The following BTD variants were observed in gnomAD, a reference collection of about 807,000 sequenced individuals.
BTD encodes the protein biocytinase.
Under a neutral mutation model 17.7 loss-of-function variants are expected in BTD, and 13 were observed. That is an observed-to-expected ratio of 0.74 (90% confidence interval 0.48 to 1.17). BTD has a LOEUF of 1.17. BTD is among the 50% of genes most tolerant of loss of function. BTD has a pLI of 0.00. For missense variants in BTD, 674 were observed against 650.4 expected (o/e 1.04, Z -0.39); for synonymous variants, 240 against 245.2 (o/e 0.98, Z 0.20).
At chr3:15,659,380 C>G (rs1029412794) in intron 3 of BTD, among the ~76,000 whole-genome samples, 1 of 152,148 alleles carries the variant, frequency 6.6e-6, no homozygotes. Context: ...TTCAAAGACT[C>G]CCAAGTGCTT....
chr3:15,706,174 T>C (rs946556199), intron 3 of BTD, among the ~76,000 whole-genome samples: 1 of 152,098 alleles, frequency 6.6e-6, no homozygotes, highest in Non-Finnish European at 1.5e-5. Context: ...ATGTGCCACG[T>C]TGGTGTGCTG....
At chr3:15,602,336 G>T in intron 1 of BTD, 1 of 1,048,376 alleles carries the variant, frequency 9.5e-7, no homozygotes. Flanking sequence ...GTTTTCTCCA[G>T]CCCTTGCTAC....
At chr3:15,690,257 TA>T in intron 3 of BTD, 1 of 1,469,080 alleles carries the variant, frequency 6.8e-7, no homozygotes, top group Non-Finnish European at 9.2e-7. Flanking sequence ...AAAACATACA[TA>T]TTTAGACTGA....
intron 3 of BTD, among the ~76,000 whole-genome samples, chr3:15,703,286 C>G (rs917168539): frequency 6.6e-6 from 1 of 152,162 alleles, no homozygotes; most frequent in Non-Finnish European, 1.5e-5. Context: ...CAAAAATAAA[C>G]TGCCATTAGA....
At chr3:15,706,679 T>C (rs2071479188) in intron 3 of BTD, among the ~76,000 whole-genome samples, 1 of 152,222 alleles carries the variant, frequency 6.6e-6, no homozygotes, top group Non-Finnish European at 1.5e-5. Flanking sequence ...TCTTCCACAA[T>C]GGTTGAACTA....
downstream of BTD, among the ~76,000 whole-genome samples, chr3:15,655,582 A>G (rs1450676799): frequency 6.6e-6 from 1 of 152,214 alleles, no homozygotes; most frequent in Non-Finnish European, 1.5e-5. Flanking sequence ...CCCAGAGACC[A>G]GGCCTGGCTT....
In BTD at chr3:15,648,181, C is replaced by T. The variant is rs1026467099; in HGVS notation, c.*2693C>T. ...CAGAGAGGACCGATGGTGAGTCGGCCGCTCTTGATTCTCAATGAAACTCAG... is the reference window on the plus strand; with the variant it reads ...CAGAGAGGACCGATGGTGAGTCGGCTGCTCTTGATTCTCAATGAAACTCAG... On this transcript the variant is annotated 3_prime_UTR_variant, in exon 4 of 4. Transcript: ENST00000643237. 7.2e-5 allele frequency among the ~76,000 whole-genome samples: 11 copies of T among 152,302 alleles called. No homozygotes were observed. Among genetic ancestry groups the T allele is most frequent in the South Asian group, 4.1e-4 (2 of 4,820 alleles).
At chr3:15,621,163 A>C (rs1212011441) in intron 1 of BTD, among the ~76,000 whole-genome samples, 4 of 152,198 alleles carry the variant, frequency 2.6e-5, no homozygotes, top group African/African-American at 9.7e-5. Flanking sequence ...GCTCATCTTT[A>C]CCTAGTGCAC....
chr3:15,606,684 C>A (rs1313195245), intron 1 of BTD: 1 of 152,310 alleles, frequency 6.6e-6, no homozygotes, highest in African/African-American at 2.4e-5. Flanking sequence ...TTTAAACTTG[C>A]TTTCACCTTT....
chr3:15,670,209 CT>C, intron 3 of BTD: 4 of 1,552,560 alleles, frequency 2.6e-6, no homozygotes, highest in Non-Finnish European at 3.5e-6. Flanking sequence ...ATCAAAGTGC[CT>C]TTTTCCTGAA....
intron 3 of BTD, chr3:15,670,212 T>C: frequency 5.1e-6 from 8 of 1,560,760 alleles, no homozygotes; most frequent in Non-Finnish European, 7.0e-6. Context: ...AAAGTGCCTT[T>C]TTCCTGAAAA....
intron 3 of BTD, among the ~76,000 whole-genome samples, chr3:15,693,783 TGCTTTCTTA>T (rs1428570582): frequency 1.3e-5 from 2 of 152,152 alleles, no homozygotes; most frequent in African/African-American, 2.4e-5. Flanking sequence ...GCTTCAAGAA[TGCTTTCTTA>T]GTTATTTAGA....
rs1292244265 is a variant in BTD, at chr3:15,651,298, G to T, written c.*5810G>T. ...GAGCAGAAATTTCACTGTGATGCCA[G>T]TCAGGTATTGCTGCCGTAAGGGCCA... On this transcript the variant is annotated 3_prime_UTR_variant, in exon 4 of 4. Coordinates refer to ENST00000643237, the MANE Select transcript of BTD (RefSeq NM_001370658.1). 1.3e-5 allele frequency among the ~76,000 whole-genome samples: 2 copies of T among 152,368 alleles called. No homozygotes were observed. The highest frequency in any genetic ancestry group is 3.9e-4 in the East Asian group (2 of 5,184).
chr3:15,644,840 C>T lies in BTD; in HGVS notation c.924C>T (p.Pro308=). 1 of 1,614,172 alleles carries T rather than the reference C, an allele frequency of 6.2e-7. No homozygotes were observed. Among genetic ancestry groups the T allele is most frequent in the Non-Finnish European group, 8.5e-7 (1 of 1,180,038 alleles). ...TTTGGTACCATGACATGGAAAATCC[C>T]AAAAGTCACCTTATAATTGCCCAGG... ...ESFWYHDMEN[P]KSHLIIAQVA... is the part of the protein sequence containing the mutation. The change falls in exon 4 of 4, where the codon CCC becomes CCT. Residue 308 remains proline (P), a synonymous_variant. Transcript: ENST00000643237.
chr3:15,680,714 G>T (rs1008653775), intron 3 of BTD, among the ~76,000 whole-genome samples: 2 of 152,020 alleles, frequency 1.3e-5, no homozygotes, highest in African/African-American at 4.8e-5. Context: ...TGCCCAAGTT[G>T]AAGTGCAGTG....
chr3:15,701,129 G>C (rs1490017500), intron 3 of BTD, among the ~76,000 whole-genome samples: 1 of 152,124 alleles, frequency 6.6e-6, no homozygotes, highest in African/African-American at 2.4e-5. Flanking sequence ...CAATGTAACT[G>C]ATCTTTCAGT....
rs1212050884 is a variant in BTD at position 15,686,062 on chromosome 3, C to A, written c.400-23998C>A. On this transcript the variant is annotated intron_variant, in intron 3 of 3. Coordinates refer to the BTD transcript ENST00000672141. ...TGGCATCTACATTTGCTCCTTTGTT[C>A]AGCAATGAGTAAACACAGTCTGTGT... 8.1e-6 allele frequency: 13 copies of A among 1,613,760 alleles called. No individual in the cohort carries two copies. The South Asian group carries it at 1.2e-4, about 15-fold the overall frequency.
downstream of BTD, among the ~76,000 whole-genome samples, chr3:15,716,207 C>G (rs1259697814): frequency 6.6e-6 from 1 of 150,874 alleles, no homozygotes; most frequent in African/African-American, 2.4e-5. Flanking sequence ...GTCTTGAACT[C>G]AAGACCTCAA....
At chr3:15,615,347 A>G (rs1490631197) in intron 1 of BTD, among the ~76,000 whole-genome samples, 1 of 152,206 alleles carries the variant, frequency 6.6e-6, no homozygotes, top group African/African-American at 2.4e-5. Flanking sequence ...GAGATGTACA[A>G]GTTTCTACGT....
Sources: gnomAD v4.1 joint callset for allele counts (sites outside exome capture counted in the v4.1 genomes callset) on GRCh38, gnomAD v4.1.1 for gene constraint, MANE v1.5 for transcripts, NCBI Gene and HGNC (gene_info 2026-07-23, HGNC 2026-07-21) for gene names.